PTCHD1: variants seen among roughly 807,000 people sequenced by gnomAD.
PTCHD1 encodes patched domain containing 1.
In PTCHD1, 3 loss-of-function variants were observed where a neutral mutation model predicts 34.6. The observed-to-expected ratio is 0.09, with a 90% CI of 0.04 to 0.22. The LOEUF is 0.22. Ranked by LOEUF, PTCHD1 falls within the 10% of genes least tolerant of loss-of-function variation. The pLI is 1.00. For missense variants in PTCHD1, 504 were observed against 685.5 expected, an observed-to-expected ratio of 0.74 and a Z score of 2.96; for synonymous variants, 305 against 283.1, an observed-to-expected ratio of 1.08 and a Z score of -0.77.
At chrX:23,351,358 C>A in intron 1 of PTCHD1, 1 of 793,340 alleles carries the variant, frequency 1.3e-6, no homozygotes, top group Non-Finnish European at 1.9e-6. Context: ...GACACCAAGC[C>A]TATATGAAAT....
chrX:23,342,306 ATATATTTTTTTTTTT>A (rs1158610156), intron 1 of PTCHD1, among the ~76,000 whole-genome samples: 1 of 9,840 alleles, frequency 1.0e-4, no homozygotes, highest in Non-Finnish European at 1.3e-4. Flanking sequence ...ATATATATAT[ATATATTTTTTTTTTT>A]TTTTTTTTTT....
chrX:23,386,992 C>T (rs1239196524), intron 2 of PTCHD1, among the ~76,000 whole-genome samples: 1 of 111,964 alleles, frequency 8.9e-6, no homozygotes, highest in Non-Finnish European at 1.9e-5. Context: ...CATCTCTCAG[C>T]TGCTGTGTTG....
chrX:23,365,049 G>A (rs966618704), intron 1 of PTCHD1, among the ~76,000 whole-genome samples: 1 of 111,775 alleles, frequency 8.9e-6, no homozygotes, highest in Non-Finnish European at 1.9e-5. Context: ...CCCAACAAGT[G>A]ATTAGCCTTA....
intron 1 of PTCHD1, among the ~76,000 whole-genome samples, chrX:23,370,308 ACCATGCCACCAACATCAG>A (rs1922241655): frequency 8.9e-6 from 1 of 111,805 alleles, no homozygotes; most frequent in Admixed American, 9.5e-5. Context: ...ATCATGCCAA[ACCATGCCACCAACATCAG>A]CACCTCCCAG....
At chrX:23,359,256 A>G (rs750318615) in intron 1 of PTCHD1, among the ~76,000 whole-genome samples, 95 of 112,062 alleles carry the variant, frequency 8.5e-4, no homozygotes, top group African/African-American at 2.8e-3. Flanking sequence ...CCATTTTCAC[A>G]ATATTGATTC....
intron 1 of PTCHD1, among the ~76,000 whole-genome samples, chrX:23,357,080 G>T (rs12848256): frequency 0.091 from 10,223 of 111,846 alleles, 565 homozygotes; most frequent in East Asian, 0.38. Flanking sequence ...TATGACTGAA[G>T]TGTCAGACTC....
At chrX:23,340,473 G>T (rs1231817242) in intron 1 of PTCHD1, among the ~76,000 whole-genome samples, 1 of 112,006 alleles carries the variant, frequency 8.9e-6, no homozygotes, top group Non-Finnish European at 1.9e-5. Context: ...TTACTAGAGT[G>T]CCCATTATTG....
chrX:23,358,602 G>A (rs763840540), intron 1 of PTCHD1, among the ~76,000 whole-genome samples: 83 of 111,990 alleles, frequency 7.4e-4, no homozygotes, highest in Middle Eastern at 9.2e-3. Flanking sequence ...TAGGTTGCCT[G>A]TTCATTCTGA....
chrX:23,378,707 C>T, intron 1 of PTCHD1, among the ~76,000 whole-genome samples: 1 of 112,029 alleles, frequency 8.9e-6, no homozygotes, highest in Non-Finnish European at 1.9e-5. Context: ...CTTGAACCTA[C>T]TTTGTAATTT....
intron 1 of PTCHD1, among the ~76,000 whole-genome samples, chrX:23,354,537 A>G (rs1921745655): frequency 9.5e-6 from 1 of 104,800 alleles, no homozygotes; most frequent in African/African-American, 3.4e-5. Context: ...ATCCTCCAGA[A>G]GCTAGGCTAG....
intron 1 of PTCHD1, among the ~76,000 whole-genome samples, chrX:23,362,033 A>C (rs1170936841): frequency 1.8e-5 from 2 of 112,418 alleles, no homozygotes; most frequent in Non-Finnish European, 3.8e-5. Flanking sequence ...ATAGTCTGAT[A>C]GGCTTCCCTT....
chrX:23,360,716 C>T lies in PTCHD1; in HGVS notation c.352-18875C>T, dbSNP rs773495172. ...CTTTTGAATGTCTTTGCTCTTGCTA[C>T]TCCAGTTCTTTTAATTGTGATGTTA... On this transcript the variant is annotated intron_variant, in intron 1 of 2. Transcript: ENST00000379361. Among the ~76,000 whole-genome samples, 257 of 111,400 alleles carry T rather than the reference C, an allele frequency of 2.3e-3. 1 individual carries two copies. Among genetic ancestry groups the T allele is most frequent in the African/African-American group, 8.1e-3 (249 of 30,617 alleles).
rs1203407750 is a variant in PTCHD1, at chrX:23,403,027, A to C, written c.*8842A>C. 1 of 112,708 alleles carries C rather than the reference A, an allele frequency of 8.9e-6. No individual in the cohort carries two copies. Among genetic ancestry groups the C allele is most frequent in the Non-Finnish European group, 1.9e-5 (1 of 53,361 alleles). 9.3% of individuals were successfully genotyped at this position (112,708 alleles called of 1,213,427 possible). On this transcript the variant is annotated 3_prime_UTR_variant, in exon 3 of 3. Coordinates refer to ENST00000379361, the MANE Select transcript of PTCHD1 (RefSeq NM_173495.3). Reference sequence around the variant, plus strand: ...CCTCACCCTAGACATAAAATAGTTTAAACATTTAAACATGGCCCCTCTCTT... The same window carrying C: ...CCTCACCCTAGACATAAAATAGTTTCAACATTTAAACATGGCCCCTCTCTT...
In PTCHD1 at chrX:23,380,110, G is replaced by A. The variant is rs1341244854; in HGVS notation, c.871G>A (p.Asp291Asn). 1.7e-6 allele frequency: 2 copies of A among 1,211,743 alleles called. No homozygotes were observed. Among genetic ancestry groups the A allele is most frequent in the Non-Finnish European group, 2.2e-6 (2 of 895,412 alleles). ...TMAILCCSMQ[D>N]CVRSKPWLGL... ...GGCCATCCTGTGTTGCTCTATGCAG[G>A]ACTGCGTCCGCAGCAAACCCTGGCT... The change falls in exon 2 of 3, where the codon GAC (aspartate) becomes AAC (asparagine). Residue 291 changes from aspartate to asparagine, a missense_variant. Transcript: ENST00000379361.
intron 1 of PTCHD1, among the ~76,000 whole-genome samples, chrX:23,356,426 C>T (rs1921804699): frequency 8.9e-6 from 1 of 112,032 alleles, no homozygotes; most frequent in African/African-American, 3.3e-5. Flanking sequence ...CTAAGCCCAT[C>T]ACTTCTCACA....
rs774252748 is a variant in PTCHD1 at position 23,379,515 on chromosome X, C to T, written c.352-76C>T. 290 of 1,021,494 alleles carry T rather than the reference C, an allele frequency of 2.8e-4. 1 individual carries two copies. In the Middle Eastern group the frequency reaches 2.8e-3, roughly 10 times the overall value. 84.2% of individuals were successfully genotyped at this position (1,021,494 alleles called of 1,213,427 possible). Reference sequence around the variant, plus strand: ...TGATTTGAACTGTTTAGCTTAGAGACGGAATGTCCACCCTCTCCAAAAAAT... The same window carrying T: ...TGATTTGAACTGTTTAGCTTAGAGATGGAATGTCCACCCTCTCCAAAAAAT... On this transcript the variant is annotated intron_variant, in intron 1 of 2. Coordinates refer to ENST00000379361, the MANE Select transcript of PTCHD1 (RefSeq NM_173495.3).
Position 23,395,411 on chromosome X carries a change from TA to T in PTCHD1, c.*1227del. 1 of 111,648 alleles carries T rather than the reference TA, an allele frequency of 9.0e-6. No homozygotes were observed. The highest frequency in any genetic ancestry group is 1.9e-5 in the Non-Finnish European group (1 of 53,144). The allele number at this position is 111,648 out of a possible 1,213,427, so 9.2% of individuals were successfully genotyped here. A position where few individuals can be genotyped will look rare whatever the true frequency, so the allele number is the denominator to read the frequency against. ...GGGAGATAAAGGGCCAAAAGGGAGATAGATGGAAAACACTGGAAAAAGTATT... is the reference window on the plus strand; with the variant it reads ...GGGAGATAAAGGGCCAAAAGGGAGATGATGGAAAACACTGGAAAAAGTATT... On this transcript the variant is annotated 3_prime_UTR_variant, in exon 3 of 3. Coordinates refer to ENST00000379361, the MANE Select transcript of PTCHD1 (RefSeq NM_173495.3).
intron 1 of PTCHD1, among the ~76,000 whole-genome samples, chrX:23,342,296 ATATATATATATATAT>A (rs1358487584): frequency 3.0e-4 from 4 of 13,155 alleles, no homozygotes; most frequent in Non-Finnish European, 5.4e-4. Context: ...ATATATATAT[ATATATATATATATAT>A]TTTTTTTTTT....
chrX:23,342,305 TATA>T (rs1569132102), intron 1 of PTCHD1, among the ~76,000 whole-genome samples: 15 of 9,803 alleles, frequency 1.5e-3, no homozygotes, highest in South Asian at 9.1e-3. Context: ...TATATATATA[TATA>T]TATTTTTTTT....
Sources: gnomAD v4.1 joint callset for allele counts (sites outside exome capture counted in the v4.1 genomes callset) on GRCh38, gnomAD v4.1.1 for gene constraint, MANE v1.5 for transcripts, NCBI Gene and HGNC (gene_info 2026-07-23, HGNC 2026-07-21) for gene names.